ACSM3: variants seen among roughly 807,000 people sequenced by gnomAD.
ACSM3 encodes acyl-CoA synthetase medium chain family member 3.
In ACSM3, 61 loss-of-function variants were observed where a neutral mutation model predicts 74.1. That is an observed-to-expected ratio of 0.82 (90% confidence interval 0.67 to 1.02). The LOEUF is 1.02. ACSM3 is among the 50% of genes least tolerant of loss of function. The pLI is 0.00. For synonymous variants in ACSM3, 213 were observed against 241.5 expected, an observed-to-expected ratio of 0.88 and a Z score of 1.09; for missense variants, 660 against 697.0, an observed-to-expected ratio of 0.95 and a Z score of 0.60.
At chr16:20,738,836 C>T (rs757589944) in intron 1 of ACSM3, 110 of 1,575,474 alleles carry the variant, frequency 7.0e-5, no homozygotes, top group Non-Finnish European at 9.1e-5. Flanking sequence ...GCAGTATTCC[C>T]TGAGACAGGA....
At chr16:20,745,533 A>T (rs188868860) in intron 1 of ACSM3, among the ~76,000 whole-genome samples, 1 of 152,176 alleles carries the variant, frequency 6.6e-6, no homozygotes, top group Admixed American at 6.5e-5. Context: ...AGTGAGCTGA[A>T]ATCGTGCCAC....
At chr16:20,692,891 C>T (rs2079667297) in intron 1 of ACSM3, among the ~76,000 whole-genome samples, 1 of 152,062 alleles carries the variant, frequency 6.6e-6, no homozygotes, top group Non-Finnish European at 1.5e-5. Context: ...AGAGCTTAGG[C>T]CAGGCACAGT....
intron 2 of ACSM3, among the ~76,000 whole-genome samples, chr16:20,751,172 G>A (rs1486620397): frequency 3.3e-5 from 5 of 152,114 alleles, no homozygotes; most frequent in African/African-American, 4.8e-5. Flanking sequence ...TTTCTTGGTA[G>A]AATCAGTGGA....
chr16:20,771,051 G>A (rs35620560), intron 2 of ACSM3, among the ~76,000 whole-genome samples: 20,235 of 152,000 alleles, frequency 0.13, 1,408 homozygotes, highest in East Asian at 0.21. Flanking sequence ...CCCCACTACC[G>A]TTCCTAGCCT....
In ACSM3 at chr16:20,786,075, T is replaced by G; in HGVS notation, c.1144-3T>G. ...TATCTTACTTTTTCTTCTTCTTAAC[T>G]AGGTGCTAATCTGTGGAAATTTTAA... On this transcript the variant is annotated splice_region_variant and splice_polypyrimidine_tract_variant and intron_variant, in intron 8 of 13. Transcript: ENST00000289416. 6.5e-7 allele frequency: 1 copy of G among 1,540,424 alleles called. No homozygotes were observed. The highest frequency in any genetic ancestry group is 8.8e-7 in the Non-Finnish European group (1 of 1,138,506).
chr16:20,689,151 A>G (rs1376025654), intron 1 of ACSM3, among the ~76,000 whole-genome samples: 2 of 151,650 alleles, frequency 1.3e-5, no homozygotes, highest in African/African-American at 4.8e-5. Flanking sequence ...GGATTTTTAC[A>G]TTTAATTTTC....
Position 20,770,117 on chromosome 16 carries a change from T to C in ACSM3, c.83T>C (p.Leu28Pro). Residue 28 changes from leucine to proline, a missense_variant, in exon 2 of 14, where the codon CTG (leucine) becomes CCG (proline). Coordinates refer to ENST00000289416, the MANE Select transcript of ACSM3 (RefSeq NM_005622.4). ...RLAIFGSVRA[L>P]HKDNRTATPQ... is the part of the protein sequence containing the mutation. Reference sequence around the variant, plus strand: ...GCAATTTTTGGTTCTGTGAGGGCACTGCATAAAGATAATAGAACAGCAACC... The same window carrying C: ...GCAATTTTTGGTTCTGTGAGGGCACCGCATAAAGATAATAGAACAGCAACC... The C allele has an allele frequency of 3.7e-6, 6 of 1,614,170 alleles. No homozygotes were observed. Among genetic ancestry groups the C allele is most frequent in the Non-Finnish European group, 4.2e-6 (5 of 1,180,030 alleles).
intron 2 of ACSM3, among the ~76,000 whole-genome samples, 155 bp from the exon 3 acceptor site, chr16:20,775,684 T>C (rs1351207957): frequency 6.6e-6 from 1 of 152,230 alleles, no homozygotes. Context: ...TCCATCTTGA[T>C]GATGTCTCCC....
chr16:20,778,030 C>G (rs922498905), intron 4 of ACSM3, among the ~76,000 whole-genome samples: 1 of 152,186 alleles, frequency 6.6e-6, no homozygotes, highest in Admixed American at 6.5e-5. Context: ...CCCTAGGAGT[C>G]AAGACCTTTA....
rs992054000 is a variant in ACSM3, at chr16:20,741,752, CTG to C, written c.-189-8157_-189-8156del. The C allele has an allele frequency of 3.8e-6, 6 of 1,560,356 alleles. No individual in the cohort carries two copies. In the African/African-American group the frequency reaches 8.1e-5, roughly 21 times the overall value. On this transcript the variant is annotated intron_variant, in intron 1 of 3. Coordinates refer to the ACSM3 transcript ENST00000561584. ...CAGGGGCCGCCATGGTGTGCGCAAACTGAGAGGAAAGAGAAACGTTTCTCCGC... is the reference window on the plus strand; with the variant it reads ...CAGGGGCCGCCATGGTGTGCGCAAACAGAGGAAAGAGAAACGTTTCTCCGC...
At chr16:20,708,770 T>C (rs2079734866) in intron 1 of ACSM3, among the ~76,000 whole-genome samples, 1 of 152,190 alleles carries the variant, frequency 6.6e-6, no homozygotes, top group African/African-American at 2.4e-5. Context: ...AAAACAATTC[T>C]AAAATTCATA....
At chr16:20,736,378 T>TAAAAAAAAAAAAAAAAA (rs33947944) in intron 1 of ACSM3, 1 of 129,244 alleles carries the variant, frequency 7.7e-6, no homozygotes, top group African/African-American at 3.0e-5. Context: ...ACACAAATGT[T>TAAAAAAAAAAAAAAAAA]AAAAAAAAAA....
At chr16:20,775,156 T>A (rs1268883487) in intron 2 of ACSM3, among the ~76,000 whole-genome samples, 2 of 152,002 alleles carry the variant, frequency 1.3e-5, no homozygotes, top group African/African-American at 4.8e-5. Flanking sequence ...CGTGTGGGGA[T>A]GTCAGCAAGG....
chr16:20,740,782 T>C (rs1174649654), intron 1 of ACSM3, among the ~76,000 whole-genome samples: 2 of 152,242 alleles, frequency 1.3e-5, no homozygotes, highest in Non-Finnish European at 2.9e-5. Context: ...TTAGGTGATA[T>C]TGGTAAAAGT....
At chr16:20,727,584 T>G (rs931535398) in intron 1 of ACSM3, 3 of 253,008 alleles carry the variant, frequency 1.2e-5, no homozygotes, top group African/African-American at 7.1e-5. Flanking sequence ...AGTTTCCCAG[T>G]ATACCTCATC....
chr16:20,773,855 G>A (rs532768009), intron 2 of ACSM3, among the ~76,000 whole-genome samples: 1 of 152,334 alleles, frequency 6.6e-6, no homozygotes, highest in African/African-American at 2.4e-5. Context: ...ATAAAATGTT[G>A]TGTAAATATC....
rs2080250103 is a variant in ACSM3 at position 20,775,934 on chromosome 16, A to C, written c.315A>C (p.Arg105Ser). 4 of 1,614,114 alleles carry C rather than the reference A, an allele frequency of 2.5e-6. No individual in the cohort carries two copies. The South Asian group carries it at 4.4e-5, about 18-fold the overall frequency. ...TTGAGGAACTGGGATCTCTGTCCAG[A>C]AAATTTGCCAATATACTTTCAGAAG... Reference protein sequence around the residue: ...WSFEELGSLSRKFANILSEAC... With the variant: ...WSFEELGSLSSKFANILSEAC... The change falls in exon 3 of 14, where the codon AGA becomes AGC. Residue 105 changes from arginine (R) to serine (S), a missense_variant. By Grantham distance (110) the Arg-to-Ser change is moderately radical (BLOSUM62 -1). Coordinates refer to ENST00000289416, the MANE Select transcript of ACSM3 (RefSeq NM_005622.4).
At chr16:20,705,755 A>G (rs1283392885) in intron 1 of ACSM3, among the ~76,000 whole-genome samples, 3 of 152,204 alleles carry the variant, frequency 2.0e-5, no homozygotes, top group Non-Finnish European at 4.4e-5. Flanking sequence ...AAGAACATCA[A>G]TGAAGAAAAC....
At chr16:20,720,731 TAAG>T (rs1196469782) in intron 1 of ACSM3, among the ~76,000 whole-genome samples, 6 of 152,348 alleles carry the variant, frequency 3.9e-5, no homozygotes, top group East Asian at 3.9e-4. Flanking sequence ...ATTTGTAAAA[TAAG>T]AAGATTTTTA....
Sources: gnomAD v4.1 joint callset for allele counts (sites outside exome capture counted in the v4.1 genomes callset) on GRCh38, gnomAD v4.1.1 for gene constraint, MANE v1.5 for transcripts, NCBI Gene and HGNC (gene_info 2026-07-23, HGNC 2026-07-21) for gene names.